Variants in NFIA observed in about 807,000 individuals in gnomAD.
The protein encoded by NFIA is nuclear factor I A.
NFIA carries 8 observed loss-of-function variants against 62.8 expected under a neutral mutation model. That is an observed-to-expected ratio of 0.13 (90% confidence interval 0.07 to 0.23). NFIA has a LOEUF of 0.23. Ranked by LOEUF, NFIA falls within the 10% of genes least tolerant of loss-of-function variation. The pLI, the probability that NFIA is intolerant of heterozygous loss-of-function variation, is 1.00. For missense variants in NFIA, 410 were observed against 642.1 expected, an observed-to-expected ratio of 0.64 and a Z score of 3.91; for synonymous variants, 235 against 238.1, an observed-to-expected ratio of 0.99 and a Z score of 0.12.
chr1:61,445,098 C>T (rs759832748), intron 10 of NFIA, among the ~76,000 whole-genome samples: 4 of 152,156 alleles, frequency 2.6e-5, no homozygotes, highest in East Asian at 1.9e-4. Flanking sequence ...TCTTTGCTTG[C>T]GAGATCTCCA....
intron 6 of NFIA, among the ~76,000 whole-genome samples, chr1:61,379,389 A>ACTTTTT (rs1317756539): frequency 4.1e-5 from 6 of 147,810 alleles, no homozygotes; most frequent in African/African-American, 1.3e-4. Context: ...CACTCAGCTA[A>ACTTTTT]CTTTTTCTTT....
intron 2 of NFIA, among the ~76,000 whole-genome samples, chr1:61,241,589 T>G (rs1477945607): frequency 6.6e-6 from 1 of 152,086 alleles, no homozygotes; most frequent in Non-Finnish European, 1.5e-5. Flanking sequence ...CTGAGCACAT[T>G]GAACAGGTTC....
intron 3 of NFIA, among the ~76,000 whole-genome samples, chr1:61,280,451 G>GTATA (rs4020675): frequency 1.6e-4 from 25 of 151,708 alleles, no homozygotes; most frequent in Non-Finnish European, 2.4e-4. Context: ...GTATGTGTGT[G>GTATA]TATATATATA....
At chr1:61,407,466 C>T (rs1020307669) in intron 9 of NFIA, among the ~76,000 whole-genome samples, 1 of 152,136 alleles carries the variant, frequency 6.6e-6, no homozygotes, top group African/African-American at 2.4e-5. Flanking sequence ...CAGATATTCC[C>T]TGATGTTTTA....
chr1:61,164,520 C>T (rs575439634), intron 2 of NFIA, among the ~76,000 whole-genome samples: 2 of 152,096 alleles, frequency 1.3e-5, no homozygotes, highest in African/African-American at 2.4e-5. Flanking sequence ...AGTGCAGTGG[C>T]GTGATCTCAG....
chr1:61,341,326 C>T (rs541243669), intron 4 of NFIA, among the ~76,000 whole-genome samples: 12 of 152,242 alleles, frequency 7.9e-5, no homozygotes, highest in Non-Finnish European at 1.5e-4. Context: ...GCTGGGATTA[C>T]AGGTGTGAGC....
intron 2 of NFIA, among the ~76,000 whole-genome samples, chr1:61,241,706 C>T (rs1655358198): frequency 2.0e-5 from 3 of 151,862 alleles, no homozygotes; most frequent in East Asian, 1.9e-4. Context: ...ACCACAAACC[C>T]GAAGATGCAA....
At chr1:61,125,863 C>A (rs1646958160) in intron 2 of NFIA, among the ~76,000 whole-genome samples, 1 of 152,136 alleles carries the variant, frequency 6.6e-6, no homozygotes, top group Admixed American at 6.5e-5. Flanking sequence ...TGTCTAGCCA[C>A]CTTCCTCTGT....
At chr1:61,308,007 T>A (rs573089139) in intron 3 of NFIA, among the ~76,000 whole-genome samples, 1 of 152,336 alleles carries the variant, frequency 6.6e-6, no homozygotes, top group South Asian at 2.1e-4. Context: ...AAATGGGTAG[T>A]AGAAGTATGA....
At chr1:61,226,714 T>C (rs1654358589) in intron 2 of NFIA, among the ~76,000 whole-genome samples, 1 of 152,220 alleles carries the variant, frequency 6.6e-6, no homozygotes, top group Non-Finnish European at 1.5e-5. Flanking sequence ...TAAAAAATTT[T>C]ATTTAACACT....
chr1:61,283,594 A>AAAAGAAAAAAG (rs1553168460), intron 3 of NFIA, among the ~76,000 whole-genome samples: 2 of 110,010 alleles, frequency 1.8e-5, no homozygotes, highest in Admixed American at 1.1e-4. Context: ...AAAAAAAAAA[A>AAAAGAAAAAAG]AAAAAAAAAA....
chr1:61,304,754 A>G (rs1659671176), intron 3 of NFIA, among the ~76,000 whole-genome samples: 1 of 152,142 alleles, frequency 6.6e-6, no homozygotes, highest in African/African-American at 2.4e-5. Context: ...TCCCTGAGAT[A>G]CCCAGCTGTA....
intron 2 of NFIA, among the ~76,000 whole-genome samples, chr1:61,198,913 G>A (rs770826107): frequency 8.5e-5 from 13 of 152,066 alleles, no homozygotes; most frequent in East Asian, 7.7e-4. Context: ...TCACCACCCC[G>A]GCTTGCCCCC....
At chr1:61,306,294 T>C (rs112158886) in intron 3 of NFIA, among the ~76,000 whole-genome samples, 1 of 109,704 alleles carries the variant, frequency 9.1e-6, no homozygotes, top group African/African-American at 3.6e-5. Context: ...TTTTTTTTTT[T>C]AAGACAGAGT....
chr1:61,307,452 A>G (rs1050077089), intron 3 of NFIA, among the ~76,000 whole-genome samples: 1 of 152,162 alleles, frequency 6.6e-6, no homozygotes, highest in African/African-American at 2.4e-5. Flanking sequence ...TTTATAAGCT[A>G]CTTTGTTTAT....
intron 2 of NFIA, among the ~76,000 whole-genome samples, chr1:61,210,988 A>G (rs759147282): frequency 1.8e-4 from 28 of 152,326 alleles, no homozygotes; most frequent in South Asian, 1.2e-3. Context: ...CACATTTTTC[A>G]TGCTCTGTAT....
Position 61,455,408 on chromosome 1 carries a change from T to C in NFIA, c.*88T>C, listed in dbSNP as rs1421767299. 1.9e-6 allele frequency: 3 copies of C among 1,605,712 alleles called. No individual in the cohort carries two copies. In the East Asian group the frequency reaches 6.7e-5, roughly 36 times the overall value. On this transcript the variant is annotated 3_prime_UTR_variant, in exon 11 of 11. Transcript: ENST00000403491. ...GGACGCAACCTCAACCCAGCGCAGT[T>C]ACAACTTCACTATCAGCGGAAGGGG...
chr1:61,265,033 G>A (rs1266471719), intron 2 of NFIA, among the ~76,000 whole-genome samples: 1 of 152,130 alleles, frequency 6.6e-6, no homozygotes, highest in Non-Finnish European at 1.5e-5. Context: ...AGTTATCTAG[G>A]TTTGTTTTTT....
chr1:61,443,527 G>C (rs1667677002), intron 10 of NFIA, among the ~76,000 whole-genome samples: 1 of 152,190 alleles, frequency 6.6e-6, no homozygotes, highest in South Asian at 2.1e-4. Context: ...CTGCAGGGAT[G>C]CAGCTGCTGA....
Sources: allele counts gnomAD v4.1 joint callset (sites outside exome capture counted in the v4.1 genomes callset), GRCh38; gene constraint gnomAD v4.1.1; transcripts MANE v1.5; gene names NCBI Gene and HGNC (gene_info 2026-07-23, HGNC 2026-07-21).